The following SGCD variants were observed in gnomAD, a reference collection of about 807,000 sequenced individuals.
The protein encoded by SGCD is delta-sarcoglycan.
Under a neutral mutation model 36.6 loss-of-function variants are expected in SGCD, and 18 were observed. That is an observed-to-expected ratio of 0.49 (90% confidence interval 0.34 to 0.73). SGCD has a LOEUF of 0.73. Among genes scored for constraint, SGCD ranks in the 30% least tolerant of loss-of-function variants. The pLI, the probability that SGCD is intolerant of heterozygous loss-of-function variation, is 0.01. For synonymous variants in SGCD, 133 were observed against 130.6 expected, an observed-to-expected ratio of 1.02 and a Z score of -0.12; for missense variants, 387 against 346.7, an observed-to-expected ratio of 1.12 and a Z score of -0.92.
intron 3 of SGCD, among the ~76,000 whole-genome samples, chr5:156,189,063 C>A (rs1486480281): frequency 6.6e-6 from 1 of 152,154 alleles, no homozygotes; most frequent in African/African-American, 2.4e-5. Flanking sequence ...AGTGAATCTT[C>A]AGAGGGCCAG....
chr5:155,856,602 C>T, the SGCD span, among the ~76,000 whole-genome samples: 12 of 151,876 alleles, frequency 7.9e-5, no homozygotes, highest in Middle Eastern at 3.4e-3. Flanking sequence ...ATCACAGATC[C>T]GATAAAGGAT....
At chr5:155,792,446 A>AT in the SGCD span, among the ~76,000 whole-genome samples, 1 of 151,296 alleles carries the variant, frequency 6.6e-6, no homozygotes, top group African/African-American at 2.4e-5. Flanking sequence ...AAAAAAAAAA[A>AT]AAAAAAGTCA....
intron 7 of SGCD, among the ~76,000 whole-genome samples, chr5:156,717,772 T>C (rs157676): frequency 0.3 from 44,928 of 151,758 alleles, 7,752 homozygotes; most frequent in African/African-American, 0.48. Flanking sequence ...ACTGAAAAAT[T>C]CCTCAAACTA....
rs923002628 is a variant in SGCD, at chr5:156,599,327, C to A, written c.502+4276C>A. On this transcript the variant is annotated intron_variant, in intron 6 of 8. Transcript: ENST00000337851. ...CAGGACCACTTAGGACCTGAGTGAC[C>A]GTATTCAAGTATGTTTTCTCTCTAA... 2.0e-5 allele frequency among the ~76,000 whole-genome samples: 3 copies of A among 151,662 alleles called. No individual in the cohort carries two copies. In the South Asian group the frequency reaches 6.2e-4, roughly 31 times the overall value.
chr5:156,729,620 C>T (rs1369545869), intron 7 of SGCD, among the ~76,000 whole-genome samples: 1 of 152,114 alleles, frequency 6.6e-6, no homozygotes, highest in Non-Finnish European at 1.5e-5. Context: ...TGTCTTACTG[C>T]CTGATCTTTT....
chr5:155,779,341 G>A, the SGCD span, among the ~76,000 whole-genome samples: 8 of 152,008 alleles, frequency 5.3e-5, no homozygotes, highest in Admixed American at 3.9e-4. Context: ...GGAAGGCTGA[G>A]GTGGGAGAAT....
At chr5:156,320,967 A>G (rs1033560981) in intron 3 of SGCD, among the ~76,000 whole-genome samples, 1 of 152,202 alleles carries the variant, frequency 6.6e-6, no homozygotes, top group Non-Finnish European at 1.5e-5. Flanking sequence ...TGAACTCTCA[A>G]ATGAAAGGCT....
At chr5:155,881,285 A>G (rs1271875920) in intron 1 of SGCD, among the ~76,000 whole-genome samples, 1 of 151,170 alleles carries the variant, frequency 6.6e-6, no homozygotes, top group Non-Finnish European at 1.5e-5. Context: ...CCAGATCACC[A>G]CCTCACCACA....
At position 156,606,605 on chromosome 5, in the gene SGCD, G is replaced by A. The variant is rs532081542; in HGVS notation, c.502+11554G>A. Among the ~76,000 whole-genome samples the A allele has an allele frequency of 2.0e-5, 3 of 152,238 alleles. No individual in the cohort carries two copies. In the South Asian group the frequency reaches 6.2e-4, roughly 32 times the overall value. ...GAAGAAAGTCATTGGTAGCATGATGGGAATGGCACTGAATCTATAAATTCC... is the reference window on the plus strand; with the variant it reads ...GAAGAAAGTCATTGGTAGCATGATGAGAATGGCACTGAATCTATAAATTCC... On this transcript the variant is annotated intron_variant, in intron 6 of 8. Coordinates refer to ENST00000337851, the MANE Select transcript of SGCD (RefSeq NM_000337.6).
At chr5:156,569,848 G>T (rs982148896) in intron 4 of SGCD, among the ~76,000 whole-genome samples, 1 of 152,084 alleles carries the variant, frequency 6.6e-6, no homozygotes, top group Non-Finnish European at 1.5e-5. Flanking sequence ...ACAGAAAGAG[G>T]CCAATCCTGC....
intron 3 of SGCD, among the ~76,000 whole-genome samples, chr5:156,147,646 A>G (rs1014268852): frequency 1.3e-5 from 2 of 152,244 alleles, no homozygotes; most frequent in Admixed American, 6.5e-5. Context: ...TATAATGCAG[A>G]AACAAGAAAT....
At chr5:156,704,555 A>T (rs1207198959) in intron 7 of SGCD, among the ~76,000 whole-genome samples, 1 of 152,214 alleles carries the variant, frequency 6.6e-6, no homozygotes, top group African/African-American at 2.4e-5. Flanking sequence ...CTGGGCAGGT[A>T]AAAACAACAG....
chr5:156,110,007 C>T (rs751474763), intron 1 of SGCD, among the ~76,000 whole-genome samples: 12 of 152,158 alleles, frequency 7.9e-5, no homozygotes, highest in Non-Finnish European at 1.5e-4. Flanking sequence ...TTCTATCCTG[C>T]ATTATGAGCA....
At chr5:156,616,432 G>C (rs1202818806) in intron 6 of SGCD, among the ~76,000 whole-genome samples, 1 of 152,114 alleles carries the variant, frequency 6.6e-6, no homozygotes, top group African/African-American at 2.4e-5. Flanking sequence ...ATAGGTGCTA[G>C]GAAAAAAATG....
intron 1 of SGCD, among the ~76,000 whole-genome samples, chr5:156,019,481 A>G (rs532803155): frequency 6.2e-4 from 95 of 152,344 alleles, no homozygotes; most frequent in African/African-American, 2.2e-3. Flanking sequence ...CAGGCAAAAT[A>G]ACATTTCTTT....
At chr5:156,479,842 C>A (rs980757470) in intron 3 of SGCD, among the ~76,000 whole-genome samples, 2 of 152,166 alleles carry the variant, frequency 1.3e-5, no homozygotes, top group African/African-American at 4.8e-5. Flanking sequence ...ACTGATACAG[C>A]GAGTTTCAGA....
chr5:156,494,946 C>T (rs1420170211), intron 3 of SGCD, among the ~76,000 whole-genome samples: 6 of 152,056 alleles, frequency 3.9e-5, no homozygotes, highest in African/African-American at 1.4e-4. Flanking sequence ...TATATCCTAC[C>T]CTCTCTCTTC....
At chr5:156,029,161 A>G (rs1319927448) in intron 1 of SGCD, among the ~76,000 whole-genome samples, 1 of 152,194 alleles carries the variant, frequency 6.6e-6, no homozygotes, top group Non-Finnish European at 1.5e-5. Context: ...AATCAAGAAA[A>G]TGCTGTGTTT....
intron 1 of SGCD, among the ~76,000 whole-genome samples, chr5:155,899,074 C>T (rs1207347663): frequency 1.3e-5 from 2 of 152,068 alleles, no homozygotes; most frequent in African/African-American, 4.8e-5. Flanking sequence ...CTTAGTGTGG[C>T]CATGGAATAA....
Sources: gnomAD v4.1 joint callset for allele counts (sites outside exome capture counted in the v4.1 genomes callset) on GRCh38, gnomAD v4.1.1 for gene constraint, MANE v1.5 for transcripts, NCBI Gene and HGNC (gene_info 2026-07-23, HGNC 2026-07-21) for gene names.